Variants in ZNF723 observed in about 807,000 individuals in gnomAD.
The protein encoded by ZNF723 is zinc finger protein 723, pseudogene.
A neutral mutation model predicts 9.4 loss-of-function variants in ZNF723; 5 were observed. The observed-to-expected ratio is 0.53, with a 90% CI of 0.28 to 1.12. The LOEUF (loss-of-function observed/expected upper bound fraction) is 1.12. ZNF723 is among the 50% of genes most tolerant of loss of function. The pLI, the probability that ZNF723 is intolerant of heterozygous loss-of-function variation, is 0.10. For missense variants in ZNF723, 450 were observed against 501.5 expected, an observed-to-expected ratio of 0.90 and a Z score of 0.98; for synonymous variants, 158 against 168.8, an observed-to-expected ratio of 0.94 and a Z score of 0.49.
At chr19:22,842,840 A>G (rs1482048968) in intron 1 of ZNF723, among the ~76,000 whole-genome samples, 1 of 152,198 alleles carries the variant, frequency 6.6e-6, no homozygotes. Context: ...TGAATTGAGA[A>G]TGTAGAGAAA....
At chr19:22,823,735 A>C in the ZNF723 span, among the ~76,000 whole-genome samples, 3 of 152,086 alleles carry the variant, frequency 2.0e-5, no homozygotes, top group African/African-American at 7.2e-5. Context: ...AGGTAATATG[A>C]CTCTTCTCAT....
At chr19:22,848,514 T>A in intron 2 of ZNF723, 127 bp downstream of exon 2, 1 of 774,374 alleles carries the variant, frequency 1.3e-6, no homozygotes, top group Non-Finnish European at 2.0e-6. Context: ...GAAGAAAAGC[T>A]TGGGAATTTG....
At chr19:22,824,800 A>G in the ZNF723 span, among the ~76,000 whole-genome samples, 175 of 152,298 alleles carry the variant, frequency 1.1e-3, no homozygotes, top group Non-Finnish European at 2.0e-3. Context: ...ATGTGGATCT[A>G]GCCACAGGTA....
the ZNF723 span, among the ~76,000 whole-genome samples, chr19:22,817,482 G>C: frequency 6.6e-6 from 1 of 152,074 alleles, no homozygotes; most frequent in Non-Finnish European, 1.5e-5. Flanking sequence ...ACTGGGCCCA[G>C]CAATTAGGTG....
At chr19:22,829,733 G>GT (rs1026119271), upstream of ZNF723, among the ~76,000 whole-genome samples, 3 of 100,880 alleles carry the variant, frequency 3.0e-5, no homozygotes, top group East Asian at 2.8e-4. Flanking sequence ...TTTTTGATAG[G>GT]TTTTTTTTCA....
At chr19:22,817,089 C>A in the ZNF723 span, among the ~76,000 whole-genome samples, 33 of 152,324 alleles carry the variant, frequency 2.2e-4, no homozygotes, top group South Asian at 5.0e-3. Flanking sequence ...GCATACATTG[C>A]GTATTTGAAA....
At chr19:22,835,688 A>G (rs576868074) in intron 1 of ZNF723, among the ~76,000 whole-genome samples, 1 of 152,286 alleles carries the variant, frequency 6.6e-6, no homozygotes, top group Non-Finnish European at 1.5e-5. Flanking sequence ...AAATAAATAC[A>G]TTTCCACAAG....
chr19:22,840,517 T>C (rs1967230553), intron 1 of ZNF723: 1 of 152,162 alleles, frequency 6.6e-6, no homozygotes, highest in Non-Finnish European at 1.5e-5. Context: ...TGAGAATAGT[T>C]GTGCACTTTG....
the ZNF723 span, among the ~76,000 whole-genome samples, chr19:22,816,965 C>A: frequency 3.9e-5 from 6 of 152,252 alleles, no homozygotes; most frequent in Non-Finnish European, 7.3e-5. Flanking sequence ...CTGTAACCAG[C>A]ACCTAGGTGA....
rs1967496424 is a variant in ZNF723 at position 22,857,514 on chromosome 19, A to G, written c.623A>G (p.Lys208Arg). ...TGTTACAAATGTGAAGAATGTGGCA[A>G]AGCCTTTAGTGTGCCCTCAAAGCTT... The part of the protein sequence containing the change: ...VNCYKCEECG[K>R]AFSVPSKLNN... The change falls in exon 4 of 4, where the codon AAA becomes AGA. Residue 208 changes from lysine (K) to arginine (R), a missense_variant. Lys to Arg is a conservative substitution (Grantham distance 26, BLOSUM62 2). This residue lies in a region of ZNF723 where 237 missense variants were observed against 332.2 expected (regional missense o/e 0.71). Coordinates refer to ENST00000600766, the MANE Select transcript of ZNF723 (RefSeq NM_001349726.2). 4.1e-6 allele frequency: 5 copies of G among 1,221,626 alleles called. No individual in the cohort carries two copies. In the East Asian group the frequency reaches 1.2e-4, roughly 28 times the overall value. The allele number at this position is 1,221,626 out of a possible 1,614,324, so 75.7% of individuals were successfully genotyped here. A position where few individuals can be genotyped will look rare whatever the true frequency, so the allele number is the denominator to read the frequency against.
upstream of ZNF723, chr19:22,832,229 A>G (rs1967106244): frequency 3.5e-6 from 3 of 863,136 alleles, no homozygotes; most frequent in Admixed American, 5.3e-5. Context: ...TGCTTGACTA[A>G]GAGCCGTCCA....
At chr19:22,841,828 A>T (rs540324948) in intron 1 of ZNF723, among the ~76,000 whole-genome samples, 60 of 152,308 alleles carry the variant, frequency 3.9e-4, no homozygotes, top group African/African-American at 1.3e-3. Context: ...CAAATATGCA[A>T]GTAACACCTG....
At chr19:22,852,469 T>A (rs1183961796) in intron 3 of ZNF723, among the ~76,000 whole-genome samples, 1 of 152,174 alleles carries the variant, frequency 6.6e-6, no homozygotes, top group Non-Finnish European at 1.5e-5. Context: ...ATTATCTCTA[T>A]CTTTTATGAC....
the ZNF723 span, among the ~76,000 whole-genome samples, chr19:22,815,870 T>C: frequency 6.6e-6 from 1 of 152,216 alleles, no homozygotes; most frequent in Non-Finnish European, 1.5e-5. Context: ...CATCAACTGT[T>C]AAGACTGTCA....
the ZNF723 span, among the ~76,000 whole-genome samples, chr19:22,820,235 C>T: frequency 9.8e-4 from 149 of 152,268 alleles, no homozygotes; most frequent in African/African-American, 3.4e-3. Context: ...TCTGCCTGCA[C>T]GCTGCCCATA....
chr19:22,858,369 C>A lies in ZNF723; in HGVS notation c.1478C>A (p.Ser493Tyr). Residue 493 changes from serine to tyrosine, a missense_variant, in exon 4 of 4, where the codon TCC (serine) becomes TAC (tyrosine). This residue lies in a region of ZNF723 where 43 missense variants were observed against 22.2 expected (regional missense o/e 1.94). Coordinates refer to ENST00000600766, the MANE Select transcript of ZNF723 (RefSeq NM_001349726.2). ...CEECGKAFNK[S>Y]SILNRHKIIH... is the part of the protein sequence containing the mutation. The stretch of plus-strand genomic sequence containing the variant: ...GAATGTGGCAAAGCCTTTAACAAGT[C>A]CTCAATTCTTAACAGACATAAGATA... 1 of 904,136 alleles carries A rather than the reference C, an allele frequency of 1.1e-6. No individual in the cohort carries two copies. The highest frequency in any genetic ancestry group is 1.8e-6 in the Non-Finnish European group (1 of 559,588). 56.0% of individuals were successfully genotyped at this position (904,136 alleles called of 1,614,324 possible).
chr19:22,844,293 T>A (rs1332173095), intron 1 of ZNF723, among the ~76,000 whole-genome samples: 1 of 152,134 alleles, frequency 6.6e-6, no homozygotes, highest in Non-Finnish European at 1.5e-5. Flanking sequence ...AAAAAAAATA[T>A]AAACACAATA....
chr19:22,851,881 G>GGTTCAAGCGATTCTCCTGC (rs1261402005), intron 3 of ZNF723, among the ~76,000 whole-genome samples: 4 of 152,124 alleles, frequency 2.6e-5, no homozygotes, highest in Admixed American at 6.6e-5. Context: ...CCGCCTCCTG[G>GGTTCAAGCGATTCTCCTGC]GTTCAAGCGA....
chr19:22,813,324 C>G, the ZNF723 span, among the ~76,000 whole-genome samples: 4 of 152,074 alleles, frequency 2.6e-5, no homozygotes, highest in South Asian at 2.1e-4. Flanking sequence ...CCTGCCTGGG[C>G]CCAGTCCATA....
Sources: allele counts gnomAD v4.1 joint callset (sites outside exome capture counted in the v4.1 genomes callset), GRCh38; gene constraint gnomAD v4.1.1; regional missense constraint gnomAD v4.1.1; transcripts MANE v1.5; gene names NCBI Gene and HGNC (gene_info 2026-07-23, HGNC 2026-07-21).